The following DPYD variants were observed in gnomAD, a reference collection of about 807,000 sequenced individuals.
DPYD encodes dihydropyrimidine dehydrogenase [NADP(+)].
In DPYD, 109 loss-of-function variants were observed where a neutral mutation model predicts 116.2. The ratio of observed to expected loss-of-function variants is 0.94; its 90% CI spans 0.80 to 1.10. The LOEUF is 1.10. Among genes scored for constraint, DPYD ranks in the 50% least tolerant of loss-of-function variants. The pLI is 0.00. For missense variants in DPYD, 1,302 were observed against 1,254.5 expected, an observed-to-expected ratio of 1.04 and a Z score of -0.57; for synonymous variants, 440 against 432.0, an observed-to-expected ratio of 1.02 and a Z score of -0.23.
At chr1:97,641,178 G>T (rs1657876353) in intron 8 of DPYD, among the ~76,000 whole-genome samples, 1 of 152,100 alleles carries the variant, frequency 6.6e-6, no homozygotes, top group Admixed American at 6.6e-5. Context: ...ATTAGATGGG[G>T]GATGAACGCC....
intron 10 of DPYD, among the ~76,000 whole-genome samples, chr1:97,577,861 C>T (rs887414312): frequency 3.3e-4 from 50 of 151,374 alleles, no homozygotes; most frequent in Admixed American, 6.6e-4. Context: ...TAATTTGAGA[C>T]GGAGTTTCGC....
At chr1:97,510,036 C>T (rs1362740752) in intron 13 of DPYD, among the ~76,000 whole-genome samples, 4 of 151,544 alleles carry the variant, frequency 2.6e-5, no homozygotes, top group African/African-American at 9.7e-5. Flanking sequence ...TTTATTTGGG[C>T]AGGAACAGGC....
At chr1:97,177,868 T>C (rs1020019440) in intron 20 of DPYD, among the ~76,000 whole-genome samples, 1 of 152,020 alleles carries the variant, frequency 6.6e-6, no homozygotes, top group Non-Finnish European at 1.5e-5. Context: ...CGCTGGGAAG[T>C]TCAAGATTGA....
chr1:97,400,103 AT>A (rs1205030541), intron 14 of DPYD, among the ~76,000 whole-genome samples: 2 of 152,086 alleles, frequency 1.3e-5, no homozygotes, highest in Non-Finnish European at 2.9e-5. Context: ...AGTAGCTCTT[AT>A]TATTTTGAGA....
intron 12 of DPYD, among the ~76,000 whole-genome samples, chr1:97,516,836 C>A (rs1648268344): frequency 6.6e-6 from 1 of 151,972 alleles, no homozygotes; most frequent in African/African-American, 2.4e-5. Flanking sequence ...TCCTCCCTCC[C>A]CTTCTCTCTC....
At chr1:97,283,800 G>T (rs1171012590) in intron 18 of DPYD, among the ~76,000 whole-genome samples, 1 of 152,080 alleles carries the variant, frequency 6.6e-6, no homozygotes, top group Admixed American at 6.6e-5. Flanking sequence ...TTGAATGCTG[G>T]TGTATAGGAA....
chr1:97,447,393 G>C (rs1676147240), intron 14 of DPYD, among the ~76,000 whole-genome samples: 1 of 152,144 alleles, frequency 6.6e-6, no homozygotes, highest in Non-Finnish European at 1.5e-5. Context: ...AACAGCGGGG[G>C]ACTGTCTACT....
intron 11 of DPYD, among the ~76,000 whole-genome samples, chr1:97,568,637 A>G (rs1387980383): frequency 6.6e-6 from 1 of 152,114 alleles, no homozygotes; most frequent in East Asian, 1.9e-4. Context: ...ACAACAATTT[A>G]TGCCACAACA....
intron 16 of DPYD, among the ~76,000 whole-genome samples, chr1:97,309,573 C>T (rs933910659): frequency 2.0e-5 from 3 of 151,642 alleles, no homozygotes; most frequent in African/African-American, 7.3e-5. Flanking sequence ...CCAGAGCAGA[C>T]TTGTGAAGTG....
intron 20 of DPYD, among the ~76,000 whole-genome samples, chr1:97,151,041 G>A (rs1438572263): frequency 6.6e-6 from 1 of 152,122 alleles, no homozygotes; most frequent in Non-Finnish European, 1.5e-5. Flanking sequence ...CTTGTTATAA[G>A]ATAAGCAAAG....
intron 13 of DPYD, among the ~76,000 whole-genome samples, chr1:97,482,034 T>C (rs1352437081): frequency 1.3e-5 from 2 of 152,208 alleles, no homozygotes; most frequent in African/African-American, 4.8e-5. Flanking sequence ...TATCTTCTCC[T>C]ATGGGAGTGG....
intron 14 of DPYD, among the ~76,000 whole-genome samples, chr1:97,396,682 C>T (rs1673023117): frequency 6.6e-6 from 1 of 152,004 alleles, no homozygotes; most frequent in Non-Finnish European, 1.5e-5. Context: ...CCTTGCTGCT[C>T]CTTATCTTGA....
At chr1:97,413,530 C>T (rs1674126642) in intron 14 of DPYD, among the ~76,000 whole-genome samples, 1 of 152,110 alleles carries the variant, frequency 6.6e-6, no homozygotes, top group Admixed American at 6.5e-5. Context: ...GTGGCTTGAT[C>T]TCGGCTCACT....
chr1:97,380,088 A>G (rs1354612954), intron 15 of DPYD, among the ~76,000 whole-genome samples: 3 of 152,182 alleles, frequency 2.0e-5, no homozygotes, highest in African/African-American at 7.2e-5. Context: ...TCTATTTTCA[A>G]GGCTGATTAC....
chr1:97,595,802 G>A (rs913395466), intron 8 of DPYD, among the ~76,000 whole-genome samples: 3 of 151,390 alleles, frequency 2.0e-5, no homozygotes, highest in Admixed American at 1.3e-4. Flanking sequence ...AAAATTGGGA[G>A]AAGAAAAAAT....
intron 16 of DPYD, among the ~76,000 whole-genome samples, chr1:97,343,483 G>C (rs1669687626): frequency 6.6e-6 from 1 of 151,984 alleles, no homozygotes; most frequent in African/African-American, 2.4e-5. Context: ...AAGAAATCAT[G>C]CTATTTAAAA....
chr1:97,708,100 A>C (rs1362716913), intron 5 of DPYD, among the ~76,000 whole-genome samples: 1 of 152,050 alleles, frequency 6.6e-6, no homozygotes, highest in Non-Finnish European at 1.5e-5. Context: ...CCTTCTGAGT[A>C]GCCAGGACTA....
At chr1:97,372,301 A>G (rs570895433) in intron 16 of DPYD, among the ~76,000 whole-genome samples, 2 of 152,316 alleles carry the variant, frequency 1.3e-5, no homozygotes, top group South Asian at 4.1e-4. Flanking sequence ...TGGGAAAAGA[A>G]TACTAACTCA....
intron 4 of DPYD, among the ~76,000 whole-genome samples, chr1:97,736,197 C>G (rs1663931277): frequency 6.6e-6 from 1 of 151,850 alleles, no homozygotes; most frequent in Non-Finnish European, 1.5e-5. Context: ...GGCATATTAA[C>G]CTCAAATGAA....
Sources: allele counts gnomAD v4.1 joint callset (sites outside exome capture counted in the v4.1 genomes callset), GRCh38; gene constraint gnomAD v4.1.1; transcripts MANE v1.5; gene names NCBI Gene and HGNC (gene_info 2026-07-23, HGNC 2026-07-21).